The following MCTP2 variants were observed in gnomAD, a reference collection of about 807,000 sequenced individuals.
MCTP2 encodes the protein multiple C2 and transmembrane domain containing 2.
In MCTP2, 132 loss-of-function variants were observed where a neutral mutation model predicts 111.6. The observed-to-expected ratio is 1.18, with a 90% CI of 1.03 to 1.37. The LOEUF (loss-of-function observed/expected upper bound fraction) is 1.37, where lower values mean the gene tolerates loss of function less well. Ranked by LOEUF, MCTP2 falls within the 40% of genes most tolerant of loss-of-function variation. The pLI is 0.00. For synonymous variants in MCTP2, 395 were observed against 387.7 expected (o/e 1.02, Z -0.22); for missense variants, 1,183 against 1,067.9 (o/e 1.11, Z -1.50).
chr15:94,395,244 G>A (rs80049816), intron 14 of MCTP2, among the ~76,000 whole-genome samples: 2 of 152,282 alleles, frequency 1.3e-5, no homozygotes, highest in South Asian at 2.1e-4. Context: ...GTATTGTCAC[G>A]TTATTTTCCC....
chr15:94,401,876 C>A (rs771972858), intron 16 of MCTP2, 24 bp from the exon 17 acceptor site: 1 of 1,583,800 alleles, frequency 6.3e-7, no homozygotes, highest in Admixed American at 1.8e-5. Flanking sequence ...ATCTAGTTTC[C>A]TGTTTGTCAT....
intron 2 of MCTP2, among the ~76,000 whole-genome samples, chr15:94,310,434 A>G (rs1463756191): frequency 2.6e-5 from 4 of 152,168 alleles, no homozygotes; most frequent in African/African-American, 4.8e-5. Flanking sequence ...GTTTAAAACT[A>G]TGGCAGTGTA....
At chr15:94,323,870 C>A (rs1245649718) in intron 4 of MCTP2, among the ~76,000 whole-genome samples, 2 of 152,172 alleles carry the variant, frequency 1.3e-5, no homozygotes. Flanking sequence ...TTTGCTCTTT[C>A]TACTCTCCTT....
intron 4 of MCTP2, among the ~76,000 whole-genome samples, chr15:94,323,414 A>G (rs1447896509): frequency 6.6e-6 from 1 of 152,196 alleles, no homozygotes; most frequent in Admixed American, 6.5e-5. Context: ...ATACCCATGA[A>G]TAATCATGGG....
At chr15:94,474,303 C>T (rs2074170875) in intron 21 of MCTP2, among the ~76,000 whole-genome samples, 1 of 152,108 alleles carries the variant, frequency 6.6e-6, no homozygotes. Flanking sequence ...AGCTTGTTTG[C>T]ATGTACAGTA....
intron 1 of MCTP2, among the ~76,000 whole-genome samples, chr15:94,251,353 T>C (rs1043202165): frequency 2.1e-5 from 3 of 141,690 alleles, no homozygotes; most frequent in African/African-American, 5.4e-5. Flanking sequence ...CATAACCTAA[T>C]ACGCATTTTG....
chr15:94,283,715 T>C (rs942376412), intron 1 of MCTP2, among the ~76,000 whole-genome samples: 2 of 152,186 alleles, frequency 1.3e-5, no homozygotes, highest in African/African-American at 2.4e-5. Flanking sequence ...CTGTTCAGAA[T>C]ATGCCAGTCT....
intron 4 of MCTP2, among the ~76,000 whole-genome samples, chr15:94,324,671 A>G (rs1273678436): frequency 6.6e-6 from 1 of 152,214 alleles, no homozygotes. Flanking sequence ...AATGTGCTAC[A>G]TAAGTCAAGT....
At position 94,384,133 on chromosome 15, in the gene MCTP2, T is replaced by G; in HGVS notation, c.1685+9T>G. On this transcript the variant is annotated intron_variant, in intron 13 of 22. Transcript: ENST00000357742. Reference sequence around the variant, plus strand: ...AACAAAGTTTTTACATTGTAAGTGCTTTAGCCTCTGGAATTATTTCTGCTG... The same window carrying G: ...AACAAAGTTTTTACATTGTAAGTGCGTTAGCCTCTGGAATTATTTCTGCTG... 1 of 1,587,774 alleles carries G rather than the reference T, an allele frequency of 6.3e-7. No homozygotes were observed. The highest frequency in any genetic ancestry group is 8.6e-7 in the Non-Finnish European group (1 of 1,157,118).
chr15:94,408,759 G>T (rs2082018186), intron 17 of MCTP2, among the ~76,000 whole-genome samples: 1 of 152,108 alleles, frequency 6.6e-6, no homozygotes, highest in Non-Finnish European at 1.5e-5. Flanking sequence ...TAGCTAGATC[G>T]ACTGAAATCA....
chr15:94,352,915 A>G (rs1003664778), intron 8 of MCTP2, among the ~76,000 whole-genome samples: 4 of 152,232 alleles, frequency 2.6e-5, no homozygotes, highest in Non-Finnish European at 4.4e-5. Flanking sequence ...AGAAATGTTA[A>G]AGTAATTAAG....
rs149439739 is a variant in MCTP2, at chr15:94,294,713, T to C, written c.-65-3488T>C. On this transcript the variant is annotated intron_variant, in intron 1 of 22. Coordinates refer to ENST00000357742, the MANE Select transcript of MCTP2 (RefSeq NM_001385001.1). Reference sequence around the variant, plus strand: ...CCTCTTCATTTCATAAGAGGCTGATTCCCATTCCCAGTCTCCCTTCCAAAT... The same window carrying C: ...CCTCTTCATTTCATAAGAGGCTGATCCCCATTCCCAGTCTCCCTTCCAAAT... Among the ~76,000 whole-genome samples the C allele has an allele frequency of 5.9e-4, 90 of 152,264 alleles. 1 individual carries two copies. Among genetic ancestry groups the C allele is most frequent in the African/African-American group, 2.1e-3 (88 of 41,548 alleles).
chr15:94,421,701 T>C (rs2082637377), intron 17 of MCTP2, among the ~76,000 whole-genome samples: 1 of 152,198 alleles, frequency 6.6e-6, no homozygotes, highest in African/African-American at 2.4e-5. Context: ...GCTTCCCTCT[T>C]CAACTTTTAA....
intron 19 of MCTP2, among the ~76,000 whole-genome samples, chr15:94,448,311 T>A (rs1047178869): frequency 1.3e-5 from 2 of 152,198 alleles, no homozygotes; most frequent in Non-Finnish European, 2.9e-5. Context: ...CTTTCTGATT[T>A]CTATTCTAAG....
At chr15:94,255,951 G>A (rs1038565004) in intron 1 of MCTP2, among the ~76,000 whole-genome samples, 1 of 152,136 alleles carries the variant, frequency 6.6e-6, no homozygotes, top group African/African-American at 2.4e-5. Flanking sequence ...TTTTAGCAGG[G>A]ATGACTTTTA....
chr15:94,416,102 C>T (rs1350741315), intron 17 of MCTP2, among the ~76,000 whole-genome samples: 1 of 152,110 alleles, frequency 6.6e-6, no homozygotes, highest in Admixed American at 6.6e-5. Flanking sequence ...ACAGTTGCAT[C>T]ATTGAGAAGT....
chr15:94,407,775 GCACACACACACACACA>G (rs57851445), intron 17 of MCTP2, among the ~76,000 whole-genome samples: 21,049 of 147,734 alleles, frequency 0.14, 1,682 homozygotes, highest in African/African-American at 0.19. Flanking sequence ...ATGTACTTGT[GCACACACACACACACA>G]CACACACACA....
rs146539078 is a variant in MCTP2, at chr15:94,470,422, G to C, written c.2450G>C (p.Arg817Pro). The C allele has an allele frequency of 1.2e-6, 2 of 1,611,200 alleles. No homozygotes were observed. Among genetic ancestry groups the C allele is most frequent in the Admixed American group, 3.3e-5 (2 of 59,968 alleles). ...ATIILYFIPL[R>P]YIILIWGINK... ...ATCATTTTGTATTTCATTCCACTGCGGTACATCATTTTAATCTGGGGTAAG... is the reference window on the plus strand; with the variant it reads ...ATCATTTTGTATTTCATTCCACTGCCGTACATCATTTTAATCTGGGGTAAG... Residue 817 changes from arginine to proline, a missense_variant, in exon 21 of 23, where the codon CGG becomes CCG. Physicochemically the swap from Arg to Pro is moderately radical, Grantham distance 103. Transcript: ENST00000357742.
At chr15:94,243,670 TAC>T (rs1415571599) in intron 1 of MCTP2, among the ~76,000 whole-genome samples, 4 of 148,696 alleles carry the variant, frequency 2.7e-5, no homozygotes, top group Middle Eastern at 3.6e-3. Context: ...TGCGTATATA[TAC>T]ACATATATGT....
Sources: allele counts gnomAD v4.1 joint callset (sites outside exome capture counted in the v4.1 genomes callset), GRCh38; gene constraint gnomAD v4.1.1; transcripts MANE v1.5; gene names NCBI Gene and HGNC (gene_info 2026-07-23, HGNC 2026-07-21).